Variants in CAMTA1 observed in about 807,000 individuals in gnomAD.
The protein encoded by CAMTA1 is calmodulin binding transcription activator 1.
A neutral mutation model predicts 170.9 loss-of-function variants in CAMTA1; 27 were observed. That is an observed-to-expected ratio of 0.16 (90% CI 0.12 to 0.22). CAMTA1 has a LOEUF of 0.22. Ranked by LOEUF, CAMTA1 falls within the 10% of genes least tolerant of loss-of-function variation. The probability of loss-of-function intolerance (pLI) is 1.00; values close to 1 mark genes in which losing one functional copy is unlikely to be tolerated. For synonymous variants in CAMTA1, 833 were observed against 891.5 expected, an observed-to-expected ratio of 0.93 and a Z score of 1.17; for missense variants, 1,619 against 2,217.2, an observed-to-expected ratio of 0.73 and a Z score of 5.42.
At chr1:6,909,193 G>T (rs968307196) in intron 3 of CAMTA1, among the ~76,000 whole-genome samples, 6 of 152,202 alleles carry the variant, frequency 3.9e-5, no homozygotes, top group African/African-American at 1.4e-4. Flanking sequence ...TGAAGTATTA[G>T]ATGTGGACTG....
At chr1:7,311,863 C>T (rs752619772) in intron 5 of CAMTA1, among the ~76,000 whole-genome samples, 1 of 152,144 alleles carries the variant, frequency 6.6e-6, no homozygotes, top group Non-Finnish European at 1.5e-5. Context: ...TGTGTGTGCA[C>T]CATACAGTGG....
intron 3 of CAMTA1, among the ~76,000 whole-genome samples, chr1:6,876,486 C>T (rs1300864024): frequency 6.6e-6 from 1 of 152,068 alleles, no homozygotes; most frequent in Admixed American, 6.5e-5. Context: ...CCTCAGCCTC[C>T]AAAGTAGCTG....
chr1:7,579,552 C>CTTTTTTTCTTTTTTTTT (rs2095238904), intron 6 of CAMTA1, among the ~76,000 whole-genome samples: 1 of 79,194 alleles, frequency 1.3e-5, no homozygotes, highest in African/African-American at 5.9e-5. Flanking sequence ...CTTTTCTTTT[C>CTTTTTTTCTTTTTTTTT]TTTTTTTTTT....
At chr1:6,925,258 A>G (rs898006909) in intron 3 of CAMTA1, among the ~76,000 whole-genome samples, 1 of 152,186 alleles carries the variant, frequency 6.6e-6, no homozygotes, top group East Asian at 1.9e-4. Flanking sequence ...CCTCTTTCCC[A>G]CATTTCTTGA....
intron 11 of CAMTA1, among the ~76,000 whole-genome samples, chr1:7,720,895 C>A (rs1214027202): frequency 6.6e-6 from 1 of 152,150 alleles, no homozygotes; most frequent in African/African-American, 2.4e-5. Context: ...GGCCTTGGAT[C>A]ACTTTGACCA....
At chr1:7,480,142 CCT>C (rs2093493427) in intron 6 of CAMTA1, among the ~76,000 whole-genome samples, 1 of 122,332 alleles carries the variant, frequency 8.2e-6, no homozygotes, top group Non-Finnish European at 1.7e-5. Flanking sequence ...TGTGTGAGCG[CCT>C]GTGTCCGTGT....
intron 3 of CAMTA1, among the ~76,000 whole-genome samples, chr1:6,907,659 G>A (rs1571599104): frequency 6.6e-6 from 1 of 152,302 alleles, no homozygotes; most frequent in African/African-American, 2.4e-5. Context: ...GTTCTGAGTC[G>A]AGCAGCAGGT....
intron 6 of CAMTA1, among the ~76,000 whole-genome samples, chr1:7,576,340 G>A (rs2095192816): frequency 1.3e-5 from 2 of 152,174 alleles, no homozygotes; most frequent in Admixed American, 6.5e-5. Context: ...CAGACCAAAT[G>A]TTTGTGTTGT....
intron 6 of CAMTA1, among the ~76,000 whole-genome samples, chr1:7,571,109 G>A (rs2095120418): frequency 6.6e-6 from 1 of 152,176 alleles, no homozygotes; most frequent in African/African-American, 2.4e-5. Flanking sequence ...ATAGCAAAAT[G>A]ACATAAACTA....
At chr1:7,412,777 A>G (rs559936493) in intron 5 of CAMTA1, among the ~76,000 whole-genome samples, 1 of 152,086 alleles carries the variant, frequency 6.6e-6, no homozygotes, top group East Asian at 1.9e-4. Flanking sequence ...CCATTTGTCA[A>G]TTTTGGCTTT....
intron 4 of CAMTA1, among the ~76,000 whole-genome samples, chr1:7,236,978 G>C (rs1663997438): frequency 6.6e-6 from 1 of 152,232 alleles, no homozygotes; most frequent in African/African-American, 2.4e-5. Flanking sequence ...GCCCTGTCTT[G>C]TCACGGGAGC....
intron 5 of CAMTA1, among the ~76,000 whole-genome samples, chr1:7,403,988 A>G (rs958347720): frequency 7.9e-5 from 12 of 152,230 alleles, no homozygotes; most frequent in Non-Finnish European, 1.6e-4. Context: ...CCTGGAGAGC[A>G]GCGGGGAGGG....
At chr1:7,227,638 C>A (rs1661962853) in intron 4 of CAMTA1, among the ~76,000 whole-genome samples, 1 of 152,188 alleles carries the variant, frequency 6.6e-6, no homozygotes, top group African/African-American at 2.4e-5. Flanking sequence ...CGAACTCATC[C>A]CTTTGTAAAC....
intron 5 of CAMTA1, among the ~76,000 whole-genome samples, chr1:7,377,357 C>T (rs60705302): frequency 0.026 from 3,967 of 152,272 alleles, 117 homozygotes; most frequent in African/African-American, 0.067. Context: ...ACCAAGAGTC[C>T]GGCCCTGTCC....
chr1:7,636,810 C>T (rs1487623468), intron 6 of CAMTA1, among the ~76,000 whole-genome samples: 1 of 152,018 alleles, frequency 6.6e-6, no homozygotes, highest in Non-Finnish European at 1.5e-5. Context: ...AGCAGGAGGT[C>T]AGAATTCAGC....
At chr1:7,468,174 G>T (rs186966814) in intron 6 of CAMTA1, among the ~76,000 whole-genome samples, 1 of 152,214 alleles carries the variant, frequency 6.6e-6, no homozygotes, top group Non-Finnish European at 1.5e-5. Flanking sequence ...CTTCCAAGGC[G>T]CCTCAGTTTT....
intron 5 of CAMTA1, among the ~76,000 whole-genome samples, chr1:7,313,431 G>A (rs1677036935): frequency 6.6e-6 from 1 of 152,206 alleles, no homozygotes; most frequent in East Asian, 1.9e-4. Context: ...TTGATGAACT[G>A]CACTCCACGG....
chr1:7,572,883 C>T lies in CAMTA1; in HGVS notation c.511-67517C>T, dbSNP rs72867107. Among the ~76,000 whole-genome samples the T allele has an allele frequency of 2.9e-3, 435 of 152,262 alleles. 2 individuals are homozygous for T. Among genetic ancestry groups the T allele is most frequent in the African/African-American group, 9.8e-3 (409 of 41,534 alleles). On this transcript the variant is annotated intron_variant, in intron 6 of 22. Coordinates refer to ENST00000303635, the MANE Select transcript of CAMTA1 (RefSeq NM_015215.4). ...CCAAGGGCCCAGTCTGATAAGAAAC[C>T]GCACCTGTGATCCAGCTATCTGTAT...
At chr1:6,882,473 CTG>C (rs1304916157) in intron 3 of CAMTA1, among the ~76,000 whole-genome samples, 1 of 152,116 alleles carries the variant, frequency 6.6e-6, no homozygotes, top group South Asian at 2.1e-4. Flanking sequence ...AGCTGGTAGA[CTG>C]TATTAATATA....
Sources: allele counts gnomAD v4.1 joint callset (sites outside exome capture counted in the v4.1 genomes callset), GRCh38; gene constraint gnomAD v4.1.1; transcripts MANE v1.5; gene names NCBI Gene and HGNC (gene_info 2026-07-23, HGNC 2026-07-21).